Variants in PTBP2 observed in about 807,000 individuals in gnomAD.
The protein encoded by PTBP2 is polypyrimidine tract-binding protein 2.
In PTBP2, 13 loss-of-function variants were observed where a neutral mutation model predicts 61.4. The ratio of observed to expected loss-of-function variants is 0.21; its 90% confidence interval spans 0.14 to 0.34. PTBP2 has a LOEUF of 0.34. PTBP2 is among the 10% of genes least tolerant of loss of function. The probability of loss-of-function intolerance (pLI) is 1.00; values close to 1 mark genes in which losing one functional copy is unlikely to be tolerated. For missense variants in PTBP2, 405 were observed against 642.6 expected, an observed-to-expected ratio of 0.63 and a Z score of 4.00; for synonymous variants, 215 against 218.5, an observed-to-expected ratio of 0.98 and a Z score of 0.14.
intron 7 of PTBP2, among the ~76,000 whole-genome samples, chr1:96,783,687 A>G (rs921105607): frequency 7.2e-5 from 11 of 152,076 alleles, no homozygotes; most frequent in African/African-American, 2.4e-4. Context: ...CATCAGTTCT[A>G]TTACTTATCT....
At chr1:96,731,098 A>G (rs1462512658) in intron 2 of PTBP2, among the ~76,000 whole-genome samples, 1 of 152,154 alleles carries the variant, frequency 6.6e-6, no homozygotes, top group Non-Finnish European at 1.5e-5. Flanking sequence ...GTGTGGCTGC[A>G]CCACAGTGTA....
rs570960719 is a variant in PTBP2 at position 96,810,290 on chromosome 1, TCA to T, written c.1172-2419_1172-2418del. Among the ~76,000 whole-genome samples the T allele has an allele frequency of 7.6e-4, 116 of 152,324 alleles. 2 individuals are homozygous for T. Among genetic ancestry groups the T allele is most frequent in the South Asian group, 2.1e-4 (1 of 4,830 alleles). ...GAATAGGAGAGTTCAAGTGTAAGAT[TCA>T]CATTGTTTAAAATTTTATTCATTTA... On this transcript the variant is annotated intron_variant, in intron 11 of 13. Coordinates refer to ENST00000674951, the MANE Select transcript of PTBP2 (RefSeq NM_021190.4).
At chr1:96,730,690 C>G (rs1398754405) in intron 2 of PTBP2, among the ~76,000 whole-genome samples, 1 of 152,176 alleles carries the variant, frequency 6.6e-6, no homozygotes, top group Admixed American at 6.5e-5. Flanking sequence ...GTTCTTTTCT[C>G]TGGTACTTTG....
intron 2 of PTBP2, among the ~76,000 whole-genome samples, chr1:96,744,888 CG>C (rs1455419986): frequency 2.0e-5 from 3 of 152,050 alleles, no homozygotes; most frequent in Non-Finnish European, 4.4e-5. Context: ...CTTATTTAAA[CG>C]TTCTGATTGT....
intron 2 of PTBP2, among the ~76,000 whole-genome samples, chr1:96,725,216 G>C (rs1366507690): frequency 6.6e-6 from 1 of 151,984 alleles, no homozygotes; most frequent in Non-Finnish European, 1.5e-5. Flanking sequence ...AGAGGAGTTT[G>C]TAGACAAGGC....
intron 8 of PTBP2, among the ~76,000 whole-genome samples, chr1:96,791,826 C>CTTTTTTTTGTTTTTTTTTTTGTTTTTTTT (rs1482989030): frequency 4.5e-5 from 3 of 66,130 alleles, no homozygotes; most frequent in Admixed American, 1.7e-4. Context: ...TGGAGTTGTG[C>CTTTTTTTTGTTTTTTTTTTTGTTTTTTTT]TTTTTTTTTT....
chr1:96,767,156 A>G (rs1238389863), intron 3 of PTBP2, among the ~76,000 whole-genome samples: 1 of 152,156 alleles, frequency 6.6e-6, no homozygotes, highest in Non-Finnish European at 1.5e-5. Context: ...GATTCTCAGA[A>G]GTTTCCTACG....
intron 3 of PTBP2, among the ~76,000 whole-genome samples, chr1:96,751,951 A>AT: frequency 6.6e-6 from 1 of 152,072 alleles, no homozygotes; most frequent in Non-Finnish European, 1.5e-5. Flanking sequence ...GTTTTAACTA[A>AT]TTTTTTGCTG....
chr1:96,765,611 T>C (rs1557727774), intron 3 of PTBP2, among the ~76,000 whole-genome samples: 2 of 152,086 alleles, frequency 1.3e-5, no homozygotes, highest in Non-Finnish European at 2.9e-5. Flanking sequence ...CATGGGAGGC[T>C]GTGGCACGAG....
intron 2 of PTBP2, among the ~76,000 whole-genome samples, chr1:96,731,145 A>G (rs1214360081): frequency 6.6e-6 from 1 of 152,134 alleles, no homozygotes; most frequent in African/African-American, 2.4e-5. Flanking sequence ...TCCTACATCG[A>G]TGGACATTTA....
In PTBP2 at chr1:96,770,699, A is replaced by C. The variant is rs1417673502; in HGVS notation, c.289-9A>C. 3.1e-6 allele frequency: 5 copies of C among 1,607,406 alleles called. No individual in the cohort carries two copies. The African/African-American group carries it at 4.0e-5, about 13-fold the overall frequency. ...ATAGTATTAAAAATTGTGCTACTTA[A>C]ATTTTCAGGCATTTTTGGAACTAGC... is the stretch of plus-strand genomic sequence containing the variant. On this transcript the variant is annotated splice_polypyrimidine_tract_variant and intron_variant, in intron 4 of 13. Transcript: ENST00000674951.
chr1:96,799,041 G>C (rs1660683325), intron 8 of PTBP2, among the ~76,000 whole-genome samples: 1 of 152,074 alleles, frequency 6.6e-6, no homozygotes, highest in African/African-American at 2.4e-5. Flanking sequence ...TCTGGACTTA[G>C]GGTCTCTTGT....
At chr1:96,808,828 C>T (rs1382624327) in intron 11 of PTBP2, among the ~76,000 whole-genome samples, 2 of 151,972 alleles carry the variant, frequency 1.3e-5, no homozygotes, top group Non-Finnish European at 2.9e-5. Flanking sequence ...CACACACACG[C>T]ATACACTCCC....
exon 14 of PTBP2, chr1:96,821,511 T>C (rs766414549): frequency 1.3e-5 from 2 of 152,086 alleles, no homozygotes; most frequent in Admixed American, 1.3e-4. Context: ...TATGGATTAC[T>C]ATCAACTTTC....
intron 8 of PTBP2, among the ~76,000 whole-genome samples, chr1:96,801,861 C>CAAAAA (rs397861502): frequency 1.3e-5 from 1 of 75,536 alleles, no homozygotes; most frequent in South Asian, 3.8e-4. Flanking sequence ...GACTCCATCT[C>CAAAAA]AAAAAAAAAA....
Position 96,769,718 on chromosome 1 carries a change from G to A in PTBP2, c.131G>A (p.Ser44Asn). 6.3e-7 allele frequency: 1 copy of A among 1,598,038 alleles called. No individual in the cohort carries two copies. The highest frequency in any genetic ancestry group is 8.5e-7 in the Non-Finnish European group (1 of 1,172,550). ...SMVVTANGND[S>N]KKFKGEDKMD... The stretch of plus-strand genomic sequence containing the variant: ...TGTCTTTCAGCCAATGGTAATGATA[G>A]TAAAAAATTTAAAGGAGAAGATAAA... The change falls in exon 4 of 14, where the codon AGT becomes AAT. Residue 44 changes from serine (S) to asparagine (N), a missense_variant. Physicochemically the swap from Ser to Asn is conservative, Grantham distance 46 (BLOSUM62 1). Coordinates refer to ENST00000674951, the MANE Select transcript of PTBP2 (RefSeq NM_021190.4).
At chr1:96,739,563 A>G (rs953907970) in intron 2 of PTBP2, among the ~76,000 whole-genome samples, 4 of 150,282 alleles carry the variant, frequency 2.7e-5, no homozygotes, top group Non-Finnish European at 5.9e-5. Flanking sequence ...TAGGTTAAGC[A>G]TCCCTAATCT....
At chr1:96,765,383 G>A (rs552472833) in intron 3 of PTBP2, among the ~76,000 whole-genome samples, 16 of 152,212 alleles carry the variant, frequency 1.1e-4, no homozygotes, top group Admixed American at 3.3e-4. Context: ...AAAGTATAAC[G>A]GTGAATGAGT....
In PTBP2 at chr1:96,741,832, C is replaced by T. The variant is rs377759545; in HGVS notation, c.40-9593C>T. ...TTATTTTTTCTATATGGATAGCAAG[C>T]TTAGTATGTACTTGATTGAATAGCT... On this transcript the variant is annotated intron_variant, in intron 2 of 13. Transcript: ENST00000674951. Among the ~76,000 whole-genome samples, 14 of 152,236 alleles carry T rather than the reference C, an allele frequency of 9.2e-5. No homozygotes were observed. In the South Asian group the frequency reaches 2.9e-3, roughly 32 times the overall value.
Sources: allele counts gnomAD v4.1 joint callset (sites outside exome capture counted in the v4.1 genomes callset), GRCh38; gene constraint gnomAD v4.1.1; transcripts MANE v1.5; gene names NCBI Gene and HGNC (gene_info 2026-07-23, HGNC 2026-07-21).